PCDH9: variants seen among roughly 807,000 people sequenced by gnomAD.
PCDH9 encodes protocadherin-9.
Under a neutral mutation model 70.6 loss-of-function variants are expected in PCDH9, and 24 were observed. The ratio of observed to expected loss-of-function variants is 0.34; its 90% CI spans 0.25 to 0.48. PCDH9 has a LOEUF of 0.48. Ranked by LOEUF, PCDH9 falls within the 20% of genes least tolerant of loss-of-function variation. The pLI is 0.99. For synonymous variants in PCDH9, 562 were observed against 558.5 expected (o/e 1.01, Z -0.09); for missense variants, 1,281 against 1,503.6 (o/e 0.85, Z 2.45).
intron 4 of PCDH9, among the ~76,000 whole-genome samples, chr13:66,570,141 GA>G (rs1376223587): frequency 6.6e-6 from 1 of 151,860 alleles, no homozygotes; most frequent in Non-Finnish European, 1.5e-5. Context: ...TATACTGAAG[GA>G]AAAAAACCCA....
intron 4 of PCDH9, among the ~76,000 whole-genome samples, chr13:66,416,950 TTTAACTGTTATAATGTTATGAAGTA>T (rs1196703004): frequency 7.2e-5 from 11 of 152,202 alleles, no homozygotes; most frequent in African/African-American, 1.7e-4. Flanking sequence ...TATCAAATAT[TTTAACTGTTATAATGTTATGAAGTA>T]TTGGACTATT....
At chr13:66,591,462 TA>T (rs5804284) in intron 4 of PCDH9, among the ~76,000 whole-genome samples, 108,097 of 144,562 alleles carry the variant, frequency 0.75, 41,258 homozygotes, top group East Asian at 0.9. Context: ...GGTAACTATC[TA>T]AAAAAAAAAC....
At chr13:66,987,704 AT>A (rs1307150179) in intron 2 of PCDH9, among the ~76,000 whole-genome samples, 5 of 151,810 alleles carry the variant, frequency 3.3e-5, no homozygotes, top group African/African-American at 1.2e-4. Flanking sequence ...TTTTTTTGTA[AT>A]TTTATTTTAA....
At chr13:66,585,574 A>C (rs930179055) in intron 4 of PCDH9, among the ~76,000 whole-genome samples, 4 of 152,096 alleles carry the variant, frequency 2.6e-5, no homozygotes, top group African/African-American at 4.8e-5. Flanking sequence ...ATATTTCAGC[A>C]ATCAGATCCC....
intron 2 of PCDH9, among the ~76,000 whole-genome samples, chr13:67,192,012 A>T (rs1240427374): frequency 1.3e-5 from 2 of 152,136 alleles, no homozygotes; most frequent in Admixed American, 1.3e-4. Flanking sequence ...TCAGAAAAAA[A>T]AAAACATGTT....
chr13:67,095,712 T>A (rs1314628622), intron 2 of PCDH9, among the ~76,000 whole-genome samples: 3 of 152,174 alleles, frequency 2.0e-5, no homozygotes, highest in African/African-American at 7.2e-5. Context: ...CCATAATACT[T>A]GTCACCTTCT....
intron 3 of PCDH9, among the ~76,000 whole-genome samples, chr13:66,808,259 T>G (rs1299183675): frequency 1.3e-5 from 2 of 152,288 alleles, no homozygotes; most frequent in East Asian, 1.9e-4. Flanking sequence ...TGAAGGAAAG[T>G]AGGGCTGCTG....
chr13:67,087,349 T>C (rs1349871042), intron 2 of PCDH9, among the ~76,000 whole-genome samples: 1 of 152,108 alleles, frequency 6.6e-6, no homozygotes, highest in Non-Finnish European at 1.5e-5. Flanking sequence ...CAGCAAAGAT[T>C]AAAGGATACA....
chr13:66,826,311 T>G (rs1291342400), intron 3 of PCDH9, among the ~76,000 whole-genome samples: 1 of 152,136 alleles, frequency 6.6e-6, no homozygotes, highest in East Asian at 1.9e-4. Context: ...TAGTTTTTGG[T>G]TTTTTGGTTT....
At chr13:66,321,184 A>G (rs1946196428) in intron 4 of PCDH9, among the ~76,000 whole-genome samples, 2 of 151,998 alleles carry the variant, frequency 1.3e-5, no homozygotes, top group Admixed American at 1.3e-4. Flanking sequence ...AGTTGAAGAA[A>G]CCCAAAGTCA....
At chr13:66,732,425 A>G (rs1260061850) in intron 3 of PCDH9, among the ~76,000 whole-genome samples, 1 of 152,034 alleles carries the variant, frequency 6.6e-6, no homozygotes, top group African/African-American at 2.4e-5. Context: ...CCTGACTCAA[A>G]TAATATTTAC....
chr13:66,622,270 C>G (rs1478966571), intron 4 of PCDH9, among the ~76,000 whole-genome samples: 1 of 152,198 alleles, frequency 6.6e-6, no homozygotes, highest in African/African-American at 2.4e-5. Context: ...GCCTACCCTA[C>G]GAGTGCAGCC....
chr13:66,595,235 A>G (rs2077088505), intron 4 of PCDH9, among the ~76,000 whole-genome samples: 1 of 151,582 alleles, frequency 6.6e-6, no homozygotes, highest in Non-Finnish European at 1.5e-5. Flanking sequence ...GTAGGAGCCT[A>G]ACTTTTGTGG....
intron 4 of PCDH9, among the ~76,000 whole-genome samples, chr13:66,533,135 A>G (rs1046127444): frequency 3.9e-5 from 6 of 152,172 alleles, no homozygotes; most frequent in Admixed American, 2.0e-4. Flanking sequence ...GCAGAAAAGC[A>G]CAAAACTGGG....
intron 3 of PCDH9, among the ~76,000 whole-genome samples, chr13:66,851,488 T>A (rs1359306105): frequency 6.6e-6 from 1 of 152,096 alleles, no homozygotes; most frequent in East Asian, 1.9e-4. Context: ...CACACATCTA[T>A]GAGAAGTATG....
chr13:66,509,838 G>A lies in PCDH9; in HGVS notation c.3340+121372C>T, dbSNP rs78239565. ...TTTGACATTTCACATAGAGCCAAAT[G>A]ACATCTTTCTAAAATTTCATTTTAT... On this transcript the variant is annotated intron_variant, in intron 4 of 4. Transcript: ENST00000377865. Among the ~76,000 whole-genome samples, 733 of 152,244 alleles carry A rather than the reference G, an allele frequency of 4.8e-3. 6 individuals carry two copies. Among genetic ancestry groups the A allele is most frequent in the African/African-American group, 0.017 (701 of 41,550 alleles).
At chr13:66,746,754 T>C (rs1235165932) in intron 3 of PCDH9, among the ~76,000 whole-genome samples, 1 of 152,204 alleles carries the variant, frequency 6.6e-6, no homozygotes, top group Non-Finnish European at 1.5e-5. Context: ...ATATTTTCAC[T>C]ACTGAAAGTC....
chr13:67,091,034 C>A (rs2086207670), intron 2 of PCDH9, among the ~76,000 whole-genome samples: 1 of 152,064 alleles, frequency 6.6e-6, no homozygotes, highest in Non-Finnish European at 1.5e-5. Context: ...TACTTTTCTT[C>A]CAAACTTCGT....
At chr13:66,764,296 T>C (rs1008538600) in intron 3 of PCDH9, among the ~76,000 whole-genome samples, 1 of 151,902 alleles carries the variant, frequency 6.6e-6, no homozygotes, top group Non-Finnish European at 1.5e-5. Flanking sequence ...CTGTCTTTAT[T>C]TTAGAGAAAA....
Sources: allele counts gnomAD v4.1 joint callset (sites outside exome capture counted in the v4.1 genomes callset), GRCh38; gene constraint gnomAD v4.1.1; transcripts MANE v1.5; gene names NCBI Gene and HGNC (gene_info 2026-07-23, HGNC 2026-07-21).